The following UBE2V2 variants were observed in gnomAD, a reference collection of about 807,000 sequenced individuals.
UBE2V2 encodes the protein ubiquitin-conjugating enzyme E2 variant 2.
Under a neutral mutation model 17.2 loss-of-function variants are expected in UBE2V2, and 9 were observed. The observed-to-expected ratio is 0.52, with a 90% CI of 0.32 to 0.91. The LOEUF is 0.91. Ranked by LOEUF, UBE2V2 falls within the 40% of genes least tolerant of loss-of-function variation. The pLI, the probability that UBE2V2 is intolerant of heterozygous loss-of-function variation, is 0.04. For synonymous variants in UBE2V2, 61 were observed against 57.5 expected (o/e 1.06, Z -0.28); for missense variants, 133 against 182.6 (o/e 0.73, Z 1.56).
chr8:48,019,682 G>A lies in UBE2V2; in HGVS notation c.16+11212G>A, dbSNP rs1416835805. On this transcript the variant is annotated intron_variant, in intron 1 of 3. Transcript: ENST00000523111. ...ATACAAAAATTAGCCAGGCGTGGTG[G>A]CACATGCCTGTAATCCCAGCTACTC... 2.6e-5 allele frequency among the ~76,000 whole-genome samples: 4 copies of A among 151,622 alleles called. No individual in the cohort carries two copies. In the East Asian group the frequency reaches 7.8e-4, roughly 29 times the overall value.
At chr8:48,029,902 T>C (rs2091371212) in intron 1 of UBE2V2, among the ~76,000 whole-genome samples, 1 of 152,234 alleles carries the variant, frequency 6.6e-6, no homozygotes, top group Non-Finnish European at 1.5e-5. Flanking sequence ...GCCCATTTAA[T>C]AGTCTCCGTT....
upstream of UBE2V2, among the ~76,000 whole-genome samples, chr8:48,006,063 G>C (rs568946404): frequency 6.6e-6 from 1 of 152,288 alleles, no homozygotes; most frequent in African/African-American, 2.4e-5. Flanking sequence ...ATTGCTTTTG[G>C]TGTTTTAGTC....
intron 3 of UBE2V2, among the ~76,000 whole-genome samples, chr8:48,051,130 A>AG (rs1423104770): frequency 6.6e-6 from 1 of 152,224 alleles, no homozygotes; most frequent in Non-Finnish European, 1.5e-5. Context: ...TACAGGCGTG[A>AG]GCCACTGTGT....
chr8:48,020,040 G>T (rs2091294229), intron 1 of UBE2V2, among the ~76,000 whole-genome samples: 1 of 151,094 alleles, frequency 6.6e-6, no homozygotes. Flanking sequence ...CTCTCTCTCT[G>T]TCTCTCTTTT....
Position 48,036,703 on chromosome 8 carries a change from G to A in UBE2V2, c.17-6330G>A, listed in dbSNP as rs545224894. ...ACCCGCCTTGGCCTCCCAAAGTGCT[G>A]GGATTACAGGCATGAGCCACTGCCT... On this transcript the variant is annotated intron_variant, in intron 1 of 3. Coordinates refer to ENST00000523111, the MANE Select transcript of UBE2V2 (RefSeq NM_003350.3). Among the ~76,000 whole-genome samples, 373 of 151,714 alleles carry A rather than the reference G, an allele frequency of 2.5e-3. 3 individuals carry two copies. The highest frequency in any genetic ancestry group is 0.013 in the South Asian group (63 of 4,786).
chr8:48,036,446 T>C (rs73579414), intron 1 of UBE2V2, among the ~76,000 whole-genome samples: 1,965 of 151,484 alleles, frequency 0.013, 41 homozygotes, highest in African/African-American at 0.046. Context: ...AAAATATATA[T>C]TTTTTGAGAC....
chr8:48,056,970 C>G (rs921037704), intron 3 of UBE2V2, among the ~76,000 whole-genome samples: 1 of 152,142 alleles, frequency 6.6e-6, no homozygotes, highest in African/African-American at 2.4e-5. Flanking sequence ...AGTTGATCTG[C>G]CTGCCTTGGC....
At chr8:48,050,216 G>C (rs909807552) in intron 3 of UBE2V2, 2 of 267,714 alleles carry the variant, frequency 7.5e-6, no homozygotes, top group African/African-American at 4.4e-5. Flanking sequence ...AGATGCATGT[G>C]GTGGTTAAAA....
intron 1 of UBE2V2, among the ~76,000 whole-genome samples, chr8:48,021,016 G>T (rs1232258433): frequency 6.6e-6 from 1 of 151,640 alleles, no homozygotes; most frequent in Non-Finnish European, 1.5e-5. Flanking sequence ...AGAGCACTGG[G>T]GTTTCAGGCA....
intron 2 of UBE2V2, chr8:48,043,697 T>C (rs1300924296): frequency 6.6e-6 from 1 of 152,246 alleles, no homozygotes; most frequent in African/African-American, 2.4e-5. Flanking sequence ...TGTGTGAACC[T>C]GAGGGTTTCT....
intron 1 of UBE2V2, among the ~76,000 whole-genome samples, chr8:48,013,181 T>C (rs2091245404): frequency 6.6e-6 from 1 of 152,138 alleles, no homozygotes; most frequent in Admixed American, 6.6e-5. Context: ...GGTACACTTG[T>C]CACAATTAAG....
chr8:48,049,307 T>C (rs1253340142), intron 2 of UBE2V2, among the ~76,000 whole-genome samples: 1 of 152,178 alleles, frequency 6.6e-6, no homozygotes, highest in Non-Finnish European at 1.5e-5. Context: ...AAGTTATTGA[T>C]TGCCATATTT....
At chr8:47,997,599 G>A in the UBE2V2 span, among the ~76,000 whole-genome samples, 3 of 152,068 alleles carry the variant, frequency 2.0e-5, no homozygotes, top group South Asian at 2.1e-4. Flanking sequence ...TATAAGTGTC[G>A]GGATGGGAGG....
chr8:48,061,057 A>G lies in UBE2V2; in HGVS notation c.*229A>G, dbSNP rs969033097. 22 of 313,282 alleles carry G rather than the reference A, an allele frequency of 7.0e-5. No homozygotes were observed. Among genetic ancestry groups the G allele is most frequent in the Non-Finnish European group, 1.1e-4 (19 of 175,138 alleles). The allele number at this position is 313,282 out of a possible 1,614,324, so 19.4% of individuals were successfully genotyped here. On this transcript the variant is annotated 3_prime_UTR_variant, in exon 4 of 4. Coordinates refer to ENST00000523111, the MANE Select transcript of UBE2V2 (RefSeq NM_003350.3). ...TTCTCTTGAAAGGCACTGTCATTTAAACATAAACCTGGAGTACTCGAAATA... is the reference window on the plus strand; with the variant it reads ...TTCTCTTGAAAGGCACTGTCATTTAGACATAAACCTGGAGTACTCGAAATA...
intron 1 of UBE2V2, among the ~76,000 whole-genome samples, chr8:48,025,422 C>T (rs919800592): frequency 5.3e-5 from 8 of 151,160 alleles, no homozygotes; most frequent in Non-Finnish European, 1.2e-4. Context: ...CACCACCACA[C>T]TTAGCTGATT....
rs755255904 is a variant in UBE2V2 at position 48,043,064 on chromosome 8, G to A, written c.48G>A (p.Leu16=). Residue 16 remains leucine (L), a synonymous_variant, in exon 2 of 4, where the codon TTG becomes TTA. Coordinates refer to ENST00000523111, the MANE Select transcript of UBE2V2 (RefSeq NM_003350.3). ...AAGTTCCTCGTAATTTTCGCTTGTTGGAAGAACTTGAAGAAGGACAAAAAG... is the reference window on the plus strand; with the variant it reads ...AAGTTCCTCGTAATTTTCGCTTGTTAGAAGAACTTGAAGAAGGACAAAAAG... ...GVKVPRNFRL[L]EELEEGQKGV... The A allele has an allele frequency of 3.2e-6, 5 of 1,576,066 alleles. No individual in the cohort carries two copies. Among genetic ancestry groups the A allele is most frequent in the East Asian group, 4.5e-5 (2 of 44,712 alleles).
At chr8:48,008,621 G>C in intron 1 of UBE2V2, 151 bp downstream of exon 1, 2 of 1,166,458 alleles carry the variant, frequency 1.7e-6, no homozygotes, top group Non-Finnish European at 2.2e-6. Flanking sequence ...CCTGGGACCG[G>C]GTGGGACCGG....
At chr8:47,998,139 T>C in the UBE2V2 span, among the ~76,000 whole-genome samples, 12 of 151,848 alleles carry the variant, frequency 7.9e-5, no homozygotes, top group Admixed American at 2.6e-4. Context: ...TTTCGGACCA[T>C]TGGGAGTCAT....
intron 1 of UBE2V2, among the ~76,000 whole-genome samples, chr8:48,010,800 C>G (rs1489998332): frequency 6.6e-6 from 1 of 150,726 alleles, no homozygotes; most frequent in African/African-American, 2.4e-5. Context: ...CTGGTTCAAG[C>G]AATTCCTCTG....
Sources: allele counts gnomAD v4.1 joint callset (sites outside exome capture counted in the v4.1 genomes callset), GRCh38; gene constraint gnomAD v4.1.1; transcripts MANE v1.5; gene names NCBI Gene and HGNC (gene_info 2026-07-23, HGNC 2026-07-21).